TRPM7: variants seen among roughly 807,000 people sequenced by gnomAD.
TRPM7 encodes LTRPC ion channel family member 7.
Under a neutral mutation model 229.7 loss-of-function variants are expected in TRPM7, and 134 were observed. That is an observed-to-expected ratio of 0.58 (90% confidence interval 0.51 to 0.67). The LOEUF (loss-of-function observed/expected upper bound fraction) is 0.67. Among genes scored for constraint, TRPM7 ranks in the 30% least tolerant of loss-of-function variants. TRPM7 has a pLI of 0.00. For synonymous variants in TRPM7, 699 were observed against 715.2 expected (o/e 0.98, Z 0.36); for missense variants, 1,901 against 2,210.0 (o/e 0.86, Z 2.80).
chr15:50,584,998 C>T (rs190041242), intron 28 of TRPM7, among the ~76,000 whole-genome samples: 2 of 151,968 alleles, frequency 1.3e-5, no homozygotes, highest in Admixed American at 6.5e-5. Flanking sequence ...TCCTCAGCCT[C>T]CCGAGTAGCT....
chr15:50,600,292 C>T (rs2059743215), intron 21 of TRPM7, among the ~76,000 whole-genome samples: 1 of 152,050 alleles, frequency 6.6e-6, no homozygotes, highest in South Asian at 2.1e-4. Context: ...TAAAACTTAG[C>T]CGGGCGTGGC....
intron 12 of TRPM7, among the ~76,000 whole-genome samples, chr15:50,623,026 C>A (rs1459115803): frequency 6.6e-6 from 1 of 152,136 alleles, no homozygotes; most frequent in Non-Finnish European, 1.5e-5. Flanking sequence ...TAAGCTAAGT[C>A]CTAAGCAATT....
intron 23 of TRPM7, 23 bp downstream of exon 23, chr15:50,596,232 A>G (rs1263016396): frequency 2.1e-6 from 3 of 1,440,322 alleles, no homozygotes; most frequent in South Asian, 1.5e-5. Flanking sequence ...ATCTTATAAC[A>G]AACAATTGAA....
chr15:50,573,988 CG>C lies in TRPM7; in HGVS notation c.5308+285del, dbSNP rs2054015049. Among the ~76,000 whole-genome samples the C allele has an allele frequency of 2.0e-5, 3 of 146,978 alleles. No homozygotes were observed. The South Asian group carries it at 6.6e-4, about 32-fold the overall frequency. ...AAGAGAATTGCTTGAATCCGGGAGGCGGAAGTTGCAGTGAGCTGAGATTGCA... is the reference window on the plus strand; with the variant it reads ...AAGAGAATTGCTTGAATCCGGGAGGCGAAGTTGCAGTGAGCTGAGATTGCA... On this transcript the variant is annotated intron_variant, in intron 36 of 38. Coordinates refer to ENST00000646667, the MANE Select transcript of TRPM7 (RefSeq NM_017672.6).
intron 27 of TRPM7, among the ~76,000 whole-genome samples, chr15:50,587,303 T>C (rs1163748383): frequency 6.6e-6 from 1 of 152,066 alleles, no homozygotes; most frequent in East Asian, 1.9e-4. Flanking sequence ...TTCTTTTGAC[T>C]ATGTTTTTTA....
In TRPM7 at chr15:50,569,957, T is replaced by C; in HGVS notation, c.5397A>G (p.Gly1799=). 1.2e-6 allele frequency: 2 copies of C among 1,612,420 alleles called. No individual in the cohort carries two copies. The highest frequency in any genetic ancestry group is 1.7e-6 in the Non-Finnish European group (2 of 1,179,248). Residue 1799 remains glycine, a synonymous_variant, in exon 38 of 39, where the codon GGA becomes GGG. Coordinates refer to ENST00000646667, the MANE Select transcript of TRPM7 (RefSeq NM_017672.6). The stretch of plus-strand genomic sequence containing the variant: ...CTCTGAAGTTTTTAATTGCATCTTC[T>C]CCTAGATTTGCTGGGCCAAAAACCA... ...CDMVFGPANL[G]EDAIKNFRAK...
chr15:50,655,634 A>G (rs1401059315), intron 3 of TRPM7, among the ~76,000 whole-genome samples: 2 of 152,186 alleles, frequency 1.3e-5, no homozygotes, highest in Non-Finnish European at 2.9e-5. Context: ...ACACAGGAAG[A>G]CAACTACTGT....
intron 13 of TRPM7, among the ~76,000 whole-genome samples, chr15:50,619,177 C>T (rs1461346479): frequency 6.6e-6 from 1 of 151,456 alleles, no homozygotes; most frequent in Non-Finnish European, 1.5e-5. Context: ...GAGCTTTATA[C>T]ATCATATTCT....
chr15:50,572,523 T>C (rs2053940448), intron 36 of TRPM7, among the ~76,000 whole-genome samples: 1 of 152,344 alleles, frequency 6.6e-6, no homozygotes, highest in African/African-American at 2.4e-5. Flanking sequence ...ATAGTGTAAA[T>C]TTAACTTTTA....
rs1168337130 is a variant in TRPM7, at chr15:50,569,941, T to G, written c.5413A>C (p.Asn1805His). ...PANLGEDAIK[N>H]FRAKHHCNSC... is the part of the protein sequence containing the mutation. ...TTACAGTGATGTTTTGCTCTGAAGTTTTTAATTGCATCTTCTCCTAGATTT... is the reference window on the plus strand; with the variant it reads ...TTACAGTGATGTTTTGCTCTGAAGTGTTTAATTGCATCTTCTCCTAGATTT... The change falls in exon 38 of 39, where the codon AAC (asparagine) becomes CAC (histidine). Residue 1805 changes from asparagine (N) to histidine (H), a missense_variant. By Grantham distance (68) the Asn-to-His change is moderately conservative. Around this residue, in one of 8 missense-constraint regions of TRPM7, gnomAD observed 257 missense variants for 352.0 expected, o/e 0.73. Transcript: ENST00000646667. The G allele has an allele frequency of 6.2e-7, 1 of 1,612,568 alleles. No homozygotes were observed. The highest frequency in any genetic ancestry group is 1.3e-5 in the African/African-American group (1 of 74,882).
chr15:50,686,779 C>G lies in TRPM7; in HGVS notation c.-246G>C, dbSNP rs1481233013. On this transcript the variant is annotated 5_prime_UTR_variant, in exon 1 of 39. Transcript: ENST00000646667. Reference sequence around the variant, plus strand: ...GGGACGCGCCCGCGCCCGCCTCCGCCGGCGACGGGGCTGGGGACGGACCAC... The same window carrying G: ...GGGACGCGCCCGCGCCCGCCTCCGCGGGCGACGGGGCTGGGGACGGACCAC... 1.4e-5 allele frequency: 6 copies of G among 442,844 alleles called. No individual in the cohort carries two copies. The highest frequency in any genetic ancestry group is 2.0e-5 in the Non-Finnish European group (5 of 255,696). 27.4% of individuals were successfully genotyped at this position (442,844 alleles called of 1,614,324 possible). A position where few individuals can be genotyped will look rare whatever the true frequency, so the allele number is the denominator to read the frequency against.
At chr15:50,623,717 G>A (rs1211822298) in intron 12 of TRPM7, among the ~76,000 whole-genome samples, 11 of 151,420 alleles carry the variant, frequency 7.3e-5, no homozygotes, top group Admixed American at 7.2e-4. Flanking sequence ...AAGTTTTCAG[G>A]AGTCCTTTAC....
At chr15:50,588,706 T>A (rs886884737) in intron 27 of TRPM7, among the ~76,000 whole-genome samples, 57 of 152,364 alleles carry the variant, frequency 3.7e-4, no homozygotes, top group African/African-American at 1.3e-3. Flanking sequence ...TAGGTGTTTT[T>A]AATTATCTTG....
intron 30 of TRPM7, among the ~76,000 whole-genome samples, chr15:50,579,344 T>C (rs527924912): frequency 1.6e-4 from 25 of 152,352 alleles, no homozygotes; most frequent in Middle Eastern, 3.4e-3. Flanking sequence ...AGAAAGGACC[T>C]TGGGAGTAGA....
At chr15:50,614,729 A>C (rs1346191818) in intron 13 of TRPM7, among the ~76,000 whole-genome samples, 1 of 151,696 alleles carries the variant, frequency 6.6e-6, no homozygotes, top group Non-Finnish European at 1.5e-5. Flanking sequence ...CTATCTTTAC[A>C]GAAGGAAATG....
rs1012444453 is a variant in TRPM7, at chr15:50,596,119, G to A, written c.3290+136C>T. The A allele has an allele frequency of 4.2e-6, 2 of 474,562 alleles. 1 individual carries two copies. The highest frequency in any genetic ancestry group is 6.7e-6 in the Non-Finnish European group (2 of 298,770). 29.4% of individuals were successfully genotyped at this position (474,562 alleles called of 1,614,324 possible). Reference sequence around the variant, plus strand: ...TGATTAGAAAAAGCATCTCCTATTTGTAATTTTTCAAATATAATTTTAGTA... The same window carrying A: ...TGATTAGAAAAAGCATCTCCTATTTATAATTTTTCAAATATAATTTTAGTA... On this transcript the variant is annotated intron_variant, in intron 23 of 38. Coordinates refer to ENST00000646667, the MANE Select transcript of TRPM7 (RefSeq NM_017672.6).
chr15:50,619,822 A>C lies in TRPM7; in HGVS notation c.1441-24T>G, dbSNP rs763785146. The C allele has an allele frequency of 1.9e-6, 3 of 1,582,470 alleles. No homozygotes were observed. In the South Asian group the frequency reaches 3.6e-5, roughly 19 times the overall value. Reference sequence around the variant, plus strand: ...TTCTTTAGGGAGAAAAAGTTACAGCAAACTATTATTTTTCTTCTAAACTAA... The same window carrying C: ...TTCTTTAGGGAGAAAAAGTTACAGCCAACTATTATTTTTCTTCTAAACTAA... On this transcript the variant is annotated intron_variant, in intron 12 of 38. Coordinates refer to ENST00000646667, the MANE Select transcript of TRPM7 (RefSeq NM_017672.6).
chr15:50,611,072 C>A, intron 17 of TRPM7, 21 bp downstream of exon 17: 1 of 1,556,046 alleles, frequency 6.4e-7, no homozygotes, highest in Non-Finnish European at 8.9e-7. Context: ...TGCTTTATAT[C>A]AAATTATTTC....
intron 12 of TRPM7, among the ~76,000 whole-genome samples, chr15:50,623,299 C>G (rs1266799162): frequency 6.6e-6 from 1 of 151,724 alleles, no homozygotes. Flanking sequence ...GTAGTCCCAG[C>G]TACCTGGGAG....
Sources: allele counts gnomAD v4.1 joint callset (sites outside exome capture counted in the v4.1 genomes callset), GRCh38; gene constraint gnomAD v4.1.1; regional missense constraint gnomAD v4.1.1; transcripts MANE v1.5; gene names NCBI Gene and HGNC (gene_info 2026-07-23, HGNC 2026-07-21).